The following STAP2 variants were observed in gnomAD, a reference collection of about 807,000 sequenced individuals.
STAP2 encodes the protein signal transducing adaptor family member 2.
In STAP2, 58 loss-of-function variants were observed where a neutral mutation model predicts 52.7. That is an observed-to-expected ratio of 1.10 (90% CI 0.89 to 1.37). The LOEUF (loss-of-function observed/expected upper bound fraction) is 1.37. Ranked by LOEUF, STAP2 falls within the 40% of genes most tolerant of loss-of-function variation. The pLI is 0.00. For missense variants in STAP2, 522 were observed against 519.4 expected, an observed-to-expected ratio of 1.00 and a Z score of -0.05; for synonymous variants, 231 against 210.5, an observed-to-expected ratio of 1.10 and a Z score of -0.84.
At chr19:4,334,871 C>CCACTCATCCATCCACCCACTCA (rs1971953958) in intron 1 of STAP2, among the ~76,000 whole-genome samples, 3 of 16,632 alleles carry the variant, frequency 1.8e-4, no homozygotes, top group Admixed American at 7.0e-4. Flanking sequence ...CAATGCATCC[C>CCACTCATCCATCCACCCACTCA]TCCATCCATC....
At chr19:4,328,922 G>A (rs1025771060) in intron 5 of STAP2, 113 bp from the exon 6 acceptor site, 7 of 1,426,752 alleles carry the variant, frequency 4.9e-6, no homozygotes, top group Non-Finnish European at 5.6e-6. Context: ...AGGCCCAGGA[G>A]ACCCTGCCCT....
At chr19:4,332,208 T>C in intron 3 of STAP2, 130 bp from the exon 4 acceptor site, 1 of 497,798 alleles carries the variant, frequency 2.0e-6, no homozygotes, top group Admixed American at 4.6e-5. Flanking sequence ...TTTTTTTTTT[T>C]TTTTTTTTTT....
Position 4,324,195 on chromosome 19 carries a change from G to T in STAP2, c.1150C>A (p.Leu384Met). 6.4e-7 allele frequency: 1 copy of T among 1,551,146 alleles called. No individual in the cohort carries two copies. The highest frequency in any genetic ancestry group is 1.2e-5 in the South Asian group (1 of 84,060). ...SAQPLFPTAGLADMTAELQKK... is the reference protein window; with the variant it reads ...SAQPLFPTAGMADMTAELQKK... ...TGTAGCTCTGCCGTCATGTCTGCCA[G>T]CCCTGGGGGTTCAGGACCAGGAGCT... Residue 384 changes from leucine to methionine, a missense_variant and splice_region_variant, in exon 13 of 13, where the codon CTG becomes ATG. Transcript: ENST00000594605.
Position 4,326,964 on chromosome 19 carries a change from C to A in STAP2, c.807G>T (p.Val269=), listed in dbSNP as rs547209443. The A allele has an allele frequency of 1.3e-6, 2 of 1,552,056 alleles. No homozygotes were observed. The highest frequency in any genetic ancestry group is 2.0e-5 in the Admixed American group (1 of 51,030). The part of the protein sequence containing the change: ...ADKENGENVW[V]APSAPGPGPA... ...CACCTGGGCCCGGAGCGGAGGGCGC[C>A]ACCCACACATTCTCGCCATTCTCCT... Residue 269 remains valine, a synonymous_variant, in exon 9 of 13, where the codon GTG becomes GTT. Coordinates refer to ENST00000594605, the MANE Select transcript of STAP2 (RefSeq NM_001013841.2).
rs1447855866 is a variant in STAP2 at position 4,333,781 on chromosome 19, T to A, written c.210A>T (p.Lys70Asn). Reference protein sequence around the residue: ...VEKLNLGAFEKLTDEIPWGSS... With the variant: ...VEKLNLGAFENLTDEIPWGSS... ...TTCCCCAGGGAATCTCATCTGTGAG[T>A]TTCTCAAATGCTCCCAAGTTGAGCT... The change falls in exon 3 of 13, where the codon AAA becomes AAT. Residue 70 changes from lysine (K) to asparagine (N), a missense_variant. Coordinates refer to ENST00000594605, the MANE Select transcript of STAP2 (RefSeq NM_001013841.2). 7 of 1,613,550 alleles carry A rather than the reference T, an allele frequency of 4.3e-6. No individual in the cohort carries two copies. Among genetic ancestry groups the A allele is most frequent in the African/African-American group, 1.3e-5 (1 of 74,888 alleles).
chr19:4,331,971 T>C, intron 4 of STAP2, 51 bp downstream of exon 4: 1 of 1,557,514 alleles, frequency 6.4e-7, no homozygotes, highest in Non-Finnish European at 8.7e-7. Context: ...GGAGGCTTTT[T>C]GAGGAGATCT....
chr19:4,326,215 C>T (rs1270552152), intron 9 of STAP2, among the ~76,000 whole-genome samples: 2 of 152,230 alleles, frequency 1.3e-5, no homozygotes. Context: ...TGTGGCATGA[C>T]ACAGGTGTAT....
In STAP2 at chr19:4,325,112, C is replaced by G. The variant is rs1039587034; in HGVS notation, c.1072+104G>C. ...CAAGGTTGTGCCACTGCACTCCAGC[C>G]TGGGCGACAGAGTGAGACTGTCTCA... is the stretch of plus-strand genomic sequence containing the variant. On this transcript the variant is annotated intron_variant, in intron 11 of 12. Transcript: ENST00000594605. The G allele has an allele frequency of 9.5e-6, 10 of 1,057,878 alleles. No homozygotes were observed. In the African/African-American group the frequency reaches 1.5e-4, roughly 15 times the overall value. 65.5% of individuals were successfully genotyped at this position (1,057,878 alleles called of 1,614,324 possible).
intron 4 of STAP2, among the ~76,000 whole-genome samples, chr19:4,330,927 A>C (rs1971879771): frequency 6.6e-6 from 1 of 151,704 alleles, no homozygotes. Flanking sequence ...GTTGGCCAGG[A>C]TGGTCTTGAT....
chr19:4,327,058 G>A (rs981156850), intron 8 of STAP2, 51 bp from the exon 9 acceptor site: 1 of 1,603,966 alleles, frequency 6.2e-7, no homozygotes, highest in African/African-American at 1.3e-5. Context: ...GGGGCGGCCC[G>A]GTCCGTCCGA....
chr19:4,328,653 C>T (rs2144783664), intron 6 of STAP2, 22 bp downstream of exon 6: 11 of 1,409,790 alleles, frequency 7.8e-6, no homozygotes, highest in Non-Finnish European at 9.6e-6. Flanking sequence ...CCACCCAGGG[C>T]TCTCCAGACG....
chr19:4,328,077 G>T (rs1303759095), intron 6 of STAP2: 1 of 162,584 alleles, frequency 6.2e-6, no homozygotes, highest in Non-Finnish European at 1.3e-5. Context: ...TAACCTAGGA[G>T]TCTGACTCCA....
rs1971797506 is a variant in STAP2, at chr19:4,326,707, AC to A, written c.829+234del. Among the ~76,000 whole-genome samples the A allele has an allele frequency of 3.3e-5, 5 of 151,066 alleles. No homozygotes were observed. In the South Asian group the frequency reaches 6.3e-4, roughly 19 times the overall value. ...TCCCCCGAGCCCAGGTTTTTCCTCC[AC>A]CCCAAATTCAACCCTACAGGATGAG... On this transcript the variant is annotated intron_variant, in intron 9 of 12. Transcript: ENST00000594605.
Position 4,330,070 on chromosome 19 carries a change from C to A in STAP2, c.355-9G>T. On this transcript the variant is annotated splice_polypyrimidine_tract_variant and intron_variant, in intron 4 of 12. Coordinates refer to ENST00000594605, the MANE Select transcript of STAP2 (RefSeq NM_001013841.2). ...TCGGTCGGGACACGGAGCTGAGGGGCGATCGAGGGACAGTGACTGCACCTG... is the reference window on the plus strand; with the variant it reads ...TCGGTCGGGACACGGAGCTGAGGGGAGATCGAGGGACAGTGACTGCACCTG... 1 of 1,610,966 alleles carries A rather than the reference C, an allele frequency of 6.2e-7. No homozygotes were observed. Among genetic ancestry groups the A allele is most frequent in the Middle Eastern group, 1.7e-4 (1 of 6,054 alleles).
chr19:4,333,996 A>G lies in STAP2; in HGVS notation c.151T>C (p.Tyr51His), dbSNP rs1971933954. 1 of 1,613,346 alleles carries G rather than the reference A, an allele frequency of 6.2e-7. No individual in the cohort carries two copies. Among genetic ancestry groups the G allele is most frequent in the African/African-American group, 1.3e-5 (1 of 74,880 alleles). The change falls in exon 2 of 13, where the codon TAC becomes CAC. Residue 51 changes from tyrosine to histidine, a missense_variant. Coordinates refer to ENST00000594605, the MANE Select transcript of STAP2 (RefSeq NM_001013841.2). The part of the protein sequence containing the change: ...AGLQGLTIYF[Y>H]NSNRDFQHVE... ...ACCTGGAAGTCCCGATTGCTATTGT[A>G]GAAATAAATGGTGAGACCCTGCAGG... is the stretch of plus-strand genomic sequence containing the variant.
At chr19:4,328,905 A>C in intron 5 of STAP2, 96 bp from the exon 6 acceptor site, 1 of 1,485,374 alleles carries the variant, frequency 6.7e-7, no homozygotes, top group Non-Finnish European at 9.0e-7. Flanking sequence ...CCCCATCCCC[A>C]TCCCCTAGGC....
chr19:4,326,066 T>C (rs183426146), intron 9 of STAP2, among the ~76,000 whole-genome samples: 29 of 152,344 alleles, frequency 1.9e-4, no homozygotes, highest in African/African-American at 7.0e-4. Context: ...CTGTGGTGTG[T>C]ATACGTGTGT....
At position 4,327,309 on chromosome 19, in the gene STAP2, C is replaced by A. The variant is rs760020038; in HGVS notation, c.660+7G>T. ...GTCACTTCTAGGGACTCTGGCCCAA[C>A]GCTCACCGGCTGTTCCACATCGATC... On this transcript the variant is annotated splice_region_variant and intron_variant, in intron 7 of 12. Coordinates refer to ENST00000594605, the MANE Select transcript of STAP2 (RefSeq NM_001013841.2). The A allele has an allele frequency of 4.3e-6, 7 of 1,614,030 alleles. No homozygotes were observed. In the Admixed American group the frequency reaches 5.0e-5, roughly 12 times the overall value.
chr19:4,329,897 C>T, intron 5 of STAP2, 64 bp downstream of exon 5: 1 of 1,428,524 alleles, frequency 7.0e-7, no homozygotes, highest in Non-Finnish European at 9.8e-7. Flanking sequence ...CACCGCCCAC[C>T]CTCAGCCACA....
Sources: gnomAD v4.1 joint callset for allele counts (sites outside exome capture counted in the v4.1 genomes callset) on GRCh38, gnomAD v4.1.1 for gene constraint, MANE v1.5 for transcripts, NCBI Gene and HGNC (gene_info 2026-07-23, HGNC 2026-07-21) for gene names.